Variants in CTNNA2 observed in about 807,000 individuals in gnomAD.
The protein encoded by CTNNA2 is catenin alpha 2.
In CTNNA2, 42 loss-of-function variants were observed where a neutral mutation model predicts 101.0. The ratio of observed to expected loss-of-function variants is 0.42; its 90% CI spans 0.32 to 0.54. The LOEUF (loss-of-function observed/expected upper bound fraction) is 0.54, where lower values mean the gene tolerates loss of function less well. Among genes scored for constraint, CTNNA2 ranks in the 20% least tolerant of loss-of-function variants. CTNNA2 has a pLI of 0.14. For synonymous variants in CTNNA2, 450 were observed against 456.4 expected, an observed-to-expected ratio of 0.99 and a Z score of 0.18; for missense variants, 871 against 1,223.1, an observed-to-expected ratio of 0.71 and a Z score of 4.29.
Position 80,183,058 on chromosome 2 carries a change from C to T in CTNNA2, c.1057-210153C>T, listed in dbSNP as rs145137274. On this transcript the variant is annotated intron_variant, in intron 7 of 18. Transcript: ENST00000402739. ...GCAAAATGCTTGTCAATACTGTTTA[C>T]ATAGAATACAACCTGAATGGTATTC... is the stretch of plus-strand genomic sequence containing the variant. 2.0e-4 allele frequency among the ~76,000 whole-genome samples: 31 copies of T among 152,256 alleles called. No individual in the cohort carries two copies. In the East Asian group the frequency reaches 5.4e-3, roughly 27 times the overall value.
At chr2:79,195,022 C>T (rs1374977385) in intron 1 of CTNNA2, among the ~76,000 whole-genome samples, 1 of 152,170 alleles carries the variant, frequency 6.6e-6, no homozygotes, top group Non-Finnish European at 1.5e-5. Flanking sequence ...GAATTGCCAC[C>T]ACTGAGAAGG....
chr2:80,544,988 A>C lies in CTNNA2; in HGVS notation c.1297A>C (p.Asn433His). ...AAAATCCTCTTCAATACAGGTTGCC[A>C]ATTTGGCCTGTTCCATCTCCAACAA... ...EHANKLVEVA[N>H]LACSISNNEE... Residue 433 changes from asparagine (N) to histidine (H), a missense_variant, in exon 10 of 19, where the codon AAT (asparagine) becomes CAT (histidine). Coordinates refer to ENST00000402739, the MANE Select transcript of CTNNA2 (RefSeq NM_001282597.3). The C allele has an allele frequency of 1.2e-6, 2 of 1,613,880 alleles. No individual in the cohort carries two copies. Among genetic ancestry groups the C allele is most frequent in the Non-Finnish European group, 1.7e-6 (2 of 1,179,888 alleles).
At chr2:80,340,542 A>G (rs1672131782) in intron 7 of CTNNA2, among the ~76,000 whole-genome samples, 1 of 152,204 alleles carries the variant, frequency 6.6e-6, no homozygotes, top group South Asian at 2.1e-4. Context: ...CTCATGAAAG[A>G]GAAACAACAA....
chr2:80,415,261 G>A (rs1679939563), intron 8 of CTNNA2, among the ~76,000 whole-genome samples: 1 of 152,084 alleles, frequency 6.6e-6, no homozygotes, highest in African/African-American at 2.4e-5. Context: ...TCTATCTTTG[G>A]CCATGGGAGC....
intron 4 of CTNNA2, among the ~76,000 whole-genome samples, chr2:79,501,925 T>C (rs1021051497): frequency 1.3e-5 from 2 of 151,964 alleles, no homozygotes; most frequent in Non-Finnish European, 2.9e-5. Context: ...GAACTTTCTA[T>C]TGCTAGCAGA....
At chr2:79,350,902 G>A (rs1677372296) in intron 3 of CTNNA2, among the ~76,000 whole-genome samples, 1 of 152,112 alleles carries the variant, frequency 6.6e-6, no homozygotes, top group Non-Finnish European at 1.5e-5. Flanking sequence ...TGTGGGGCAT[G>A]TTTTAATATA....
chr2:79,313,017 G>A (rs927769946), intron 3 of CTNNA2, among the ~76,000 whole-genome samples: 6 of 152,192 alleles, frequency 3.9e-5, no homozygotes, highest in African/African-American at 1.4e-4. Flanking sequence ...TATTGGTCAC[G>A]TTTGTATCTC....
chr2:80,274,900 G>A (rs191786104), intron 7 of CTNNA2, among the ~76,000 whole-genome samples: 5 of 152,190 alleles, frequency 3.3e-5, no homozygotes, highest in East Asian at 1.9e-4. Context: ...CCTTTGTTGC[G>A]ACTGACCTTA....
intron 2 of CTNNA2, among the ~76,000 whole-genome samples, chr2:79,229,132 T>C (rs1481430093): frequency 6.6e-6 from 1 of 152,218 alleles, no homozygotes; most frequent in Non-Finnish European, 1.5e-5. Flanking sequence ...TTTGTATCTG[T>C]ACCATGCTCC....
At chr2:79,294,566 C>T (rs1034824008) in intron 2 of CTNNA2, among the ~76,000 whole-genome samples, 1 of 152,092 alleles carries the variant, frequency 6.6e-6, no homozygotes, top group Non-Finnish European at 1.5e-5. Context: ...CCTATCTTAA[C>T]CCTTTTTCAC....
chr2:80,230,256 C>CTT (rs1430035888), intron 7 of CTNNA2, among the ~76,000 whole-genome samples: 15 of 103,630 alleles, frequency 1.4e-4, no homozygotes, highest in African/African-American at 4.5e-4. Context: ...CTTTTTTTTT[C>CTT]TTTGTTTTTT....
At chr2:79,711,246 G>A (rs1429956231) in intron 2 of CTNNA2, among the ~76,000 whole-genome samples, 2 of 152,152 alleles carry the variant, frequency 1.3e-5, no homozygotes, top group South Asian at 2.1e-4. Flanking sequence ...ATGAGAATGG[G>A]ATGAAGATAA....
At chr2:80,532,614 A>G (rs367609878) in intron 9 of CTNNA2, among the ~76,000 whole-genome samples, 27 of 152,270 alleles carry the variant, frequency 1.8e-4, no homozygotes, top group East Asian at 1.5e-3. Flanking sequence ...TATCGTAGGT[A>G]TGCATGTTCA....
chr2:80,436,806 A>G (rs1682082930), intron 9 of CTNNA2, among the ~76,000 whole-genome samples: 1 of 152,134 alleles, frequency 6.6e-6, no homozygotes. Flanking sequence ...CCCATTCACA[A>G]GGACTCCACC....
At chr2:80,034,990 A>C (rs893865112) in intron 7 of CTNNA2, among the ~76,000 whole-genome samples, 1 of 152,176 alleles carries the variant, frequency 6.6e-6, no homozygotes, top group Non-Finnish European at 1.5e-5. Flanking sequence ...TCATTATGGC[A>C]TTCTTTTAAA....
intron 7 of CTNNA2, among the ~76,000 whole-genome samples, chr2:80,178,267 C>T (rs1234822833): frequency 6.6e-6 from 1 of 152,160 alleles, no homozygotes; most frequent in Non-Finnish European, 1.5e-5. Flanking sequence ...GTACATTCCC[C>T]CACTTTATGG....
chr2:79,782,676 A>T (rs776495698), intron 3 of CTNNA2, among the ~76,000 whole-genome samples: 4 of 152,194 alleles, frequency 2.6e-5, no homozygotes, highest in Non-Finnish European at 4.4e-5. Flanking sequence ...AGGATGCCTA[A>T]GTACTTAATT....
intron 3 of CTNNA2, among the ~76,000 whole-genome samples, chr2:79,752,240 C>A (rs4852516): frequency 0.51 from 77,316 of 151,906 alleles, 22,929 homozygotes; most frequent in African/African-American, 0.81. Context: ...TGAAGTAGAA[C>A]TAAATTAGGG....
intron 1 of CTNNA2, among the ~76,000 whole-genome samples, chr2:79,631,707 G>A (rs1408921603): frequency 2.0e-5 from 3 of 152,154 alleles, no homozygotes; most frequent in Non-Finnish European, 2.9e-5. Context: ...TTATCACCAT[G>A]TGTACTTTCT....
Sources: allele counts gnomAD v4.1 joint callset (sites outside exome capture counted in the v4.1 genomes callset), GRCh38; gene constraint gnomAD v4.1.1; transcripts MANE v1.5; gene names NCBI Gene and HGNC (gene_info 2026-07-23, HGNC 2026-07-21).